Variants in UTRN observed in about 807,000 individuals in gnomAD.
UTRN encodes the protein utrophin.
Under a neutral mutation model 463.9 loss-of-function variants are expected in UTRN, and 283 were observed. The ratio of observed to expected loss-of-function variants is 0.61; its 90% CI spans 0.55 to 0.67. The LOEUF (loss-of-function observed/expected upper bound fraction) is 0.67. UTRN is among the 30% of genes least tolerant of loss of function. The pLI, the probability that UTRN is intolerant of heterozygous loss-of-function variation, is 0.00. For synonymous variants in UTRN, 1,442 were observed against 1,431.5 expected (o/e 1.01, Z -0.17); for missense variants, 3,922 against 4,084.3 (o/e 0.96, Z 1.08).
chr6:144,721,321 G>C (rs1787137138), intron 53 of UTRN, among the ~76,000 whole-genome samples: 1 of 152,162 alleles, frequency 6.6e-6, no homozygotes, highest in South Asian at 2.1e-4. Flanking sequence ...AAGCAGTCCT[G>C]CCTCAGCCTC....
chr6:144,475,488 G>C (rs1039655458), intron 25 of UTRN, among the ~76,000 whole-genome samples: 2 of 152,200 alleles, frequency 1.3e-5, no homozygotes, highest in Non-Finnish European at 2.9e-5. Context: ...GGATGGATTA[G>C]CTATGGCCTT....
At chr6:144,356,474 C>A (rs1778555656) in intron 2 of UTRN, among the ~76,000 whole-genome samples, 1 of 152,172 alleles carries the variant, frequency 6.6e-6, no homozygotes, top group African/African-American at 2.4e-5. Context: ...GCTCTAGTAA[C>A]TGCTTTCTAA....
At chr6:144,824,614 C>CTT (rs34382974) in intron 66 of UTRN, among the ~76,000 whole-genome samples, 469 of 30,804 alleles carry the variant, frequency 0.015, 18 homozygotes, top group Middle Eastern at 0.045. Flanking sequence ...ATATATATAT[C>CTT]TTTTTTTTTT....
chr6:144,743,539 A>C (rs1790340889), intron 54 of UTRN, among the ~76,000 whole-genome samples: 1 of 152,208 alleles, frequency 6.6e-6, no homozygotes, highest in Non-Finnish European at 1.5e-5. Flanking sequence ...TTTTTCTAGC[A>C]TGAGAAAATA....
At chr6:144,381,592 T>G (rs1398218414) in intron 2 of UTRN, among the ~76,000 whole-genome samples, 1 of 152,178 alleles carries the variant, frequency 6.6e-6, no homozygotes, top group Non-Finnish European at 1.5e-5. Context: ...TGGGAGTAAT[T>G]GAATCATGGA....
rs748308857 is a variant in UTRN, at chr6:144,421,897, A to G, written c.161A>G (p.Asn54Ser). 28 of 1,612,112 alleles carry G rather than the reference A, an allele frequency of 1.7e-5. No homozygotes were observed. The highest frequency in any genetic ancestry group is 2.2e-5 in the East Asian group (1 of 44,682). ...TTACAGAGTGGGAAACCACCCATCA[A>G]TGATATGTTCACAGACCTCAAAGAT... ...RFSKSGKPPI[N>S]DMFTDLKDGR... The change falls in exon 4 of 75, where the codon AAT becomes AGT. Residue 54 changes from asparagine (N) to serine (S), a missense_variant. Around this residue, in one of 3 missense-constraint regions of UTRN, gnomAD observed 264 missense variants for 327.9 expected, o/e 0.81. Coordinates refer to ENST00000367545, the MANE Select transcript of UTRN (RefSeq NM_007124.3).
intron 51 of UTRN, among the ~76,000 whole-genome samples, chr6:144,580,104 G>A (rs912831375): frequency 2.0e-5 from 3 of 152,152 alleles, no homozygotes; most frequent in Non-Finnish European, 4.4e-5. Flanking sequence ...TTTTGTATGA[G>A]TAAACAGACA....
intron 58 of UTRN, among the ~76,000 whole-genome samples, chr6:144,759,364 CAAT>C (rs1792374873): frequency 2.0e-5 from 3 of 152,016 alleles, no homozygotes; most frequent in Admixed American, 1.3e-4. Context: ...TACACTATAA[CAAT>C]AATAATAGTA....
intron 2 of UTRN, among the ~76,000 whole-genome samples, chr6:144,314,027 A>G (rs1410195780): frequency 6.6e-6 from 1 of 152,122 alleles, no homozygotes; most frequent in Admixed American, 6.5e-5. Flanking sequence ...GTTTTAATGG[A>G]TGAGAAAGGT....
Position 144,548,806 on chromosome 6 carries a change from C to A in UTRN, c.6762C>A (p.Val2254=). The A allele has an allele frequency of 1.2e-6, 2 of 1,614,008 alleles. No homozygotes were observed. The highest frequency in any genetic ancestry group is 1.7e-6 in the Non-Finnish European group (2 of 1,179,966). Residue 2254 remains valine (V), a synonymous_variant, in exon 47 of 75, where the codon GTC becomes GTA. Coordinates refer to ENST00000367545, the MANE Select transcript of UTRN (RefSeq NM_007124.3). ...LIDQMLKSNI[V]TVGDVEEINK... ...ACCAGATGCTGAAGTCCAACATTGTCACTGTTGGGGATGTAGAAGAGATCA... is the reference window on the plus strand; with the variant it reads ...ACCAGATGCTGAAGTCCAACATTGTAACTGTTGGGGATGTAGAAGAGATCA...
intron 55 of UTRN, among the ~76,000 whole-genome samples, chr6:144,748,997 T>C (rs913408299): frequency 6.6e-6 from 1 of 152,034 alleles, no homozygotes; most frequent in African/African-American, 2.4e-5. Context: ...TGGATGGAGA[T>C]AGAGATTTAA....
chr6:144,342,126 C>T (rs548862372), intron 2 of UTRN, among the ~76,000 whole-genome samples: 15 of 152,150 alleles, frequency 9.9e-5, no homozygotes, highest in South Asian at 6.2e-4. Context: ...GCAAATCAAA[C>T]CACAGTGAAA....
intron 2 of UTRN, among the ~76,000 whole-genome samples, chr6:144,379,793 C>T (rs899654083): frequency 1.3e-5 from 2 of 152,172 alleles, no homozygotes; most frequent in African/African-American, 4.8e-5. Context: ...GGAAATAAGA[C>T]ATTAGGAGTT....
At chr6:144,336,908 A>G (rs1045056850) in intron 2 of UTRN, among the ~76,000 whole-genome samples, 1 of 152,164 alleles carries the variant, frequency 6.6e-6, no homozygotes, top group Admixed American at 6.5e-5. Context: ...TGCTTTAAGC[A>G]GCCAGTCATG....
intron 51 of UTRN, among the ~76,000 whole-genome samples, chr6:144,656,202 T>C (rs1363215880): frequency 1.3e-5 from 2 of 152,202 alleles, no homozygotes; most frequent in Admixed American, 6.5e-5. Flanking sequence ...TTGGCTTAAA[T>C]TGGGAAAATG....
At chr6:144,733,545 T>C (rs1156833911) in intron 54 of UTRN, among the ~76,000 whole-genome samples, 1 of 150,250 alleles carries the variant, frequency 6.7e-6, no homozygotes, top group African/African-American at 2.4e-5. Context: ...ATTGAAGCCC[T>C]CCTGATTTTT....
chr6:144,290,136 CAT>C (rs1324386689), intron 1 of UTRN, among the ~76,000 whole-genome samples: 5 of 152,172 alleles, frequency 3.3e-5, no homozygotes, highest in South Asian at 2.1e-4. Context: ...TATTTCACCA[CAT>C]GTCTCTTACA....
Position 144,522,040 on chromosome 6 carries a change from C to G in UTRN, c.5602C>G (p.Leu1868Val). Residue 1868 changes from leucine (L) to valine (V), a missense_variant, in exon 40 of 75, where the codon CTT (leucine) becomes GTT (valine). Coordinates refer to ENST00000367545, the MANE Select transcript of UTRN (RefSeq NM_007124.3). ...TGCTTCTGGAATTAGATCATCACTT[C>G]TTCCTACAGATTATCTGGTTGAAAT... ...QLASGIRSSL[L>V]PTDYLVEINK... is the part of the protein sequence containing the mutation. 1.3e-6 allele frequency: 2 copies of G among 1,590,302 alleles called. No individual in the cohort carries two copies. The highest frequency in any genetic ancestry group is 1.7e-6 in the Non-Finnish European group (2 of 1,170,388).
intron 23 of UTRN, among the ~76,000 whole-genome samples, chr6:144,470,988 C>T (rs1790549377): frequency 6.8e-6 from 1 of 147,152 alleles, no homozygotes; most frequent in Admixed American, 6.8e-5. Flanking sequence ...ACAGTCCAGC[C>T]TTGGCTCGGC....
Sources: allele counts gnomAD v4.1 joint callset (sites outside exome capture counted in the v4.1 genomes callset), GRCh38; gene constraint gnomAD v4.1.1; regional missense constraint gnomAD v4.1.1; transcripts MANE v1.5; gene names NCBI Gene and HGNC (gene_info 2026-07-23, HGNC 2026-07-21).